SUCLG2: variants seen among roughly 807,000 people sequenced by gnomAD.
SUCLG2 encodes succinate-CoA ligase GDP-forming subunit beta.
A neutral mutation model predicts 47.9 loss-of-function variants in SUCLG2; 42 were observed. That is an observed-to-expected ratio of 0.88 (90% CI 0.69 to 1.14). The LOEUF (loss-of-function observed/expected upper bound fraction) is 1.14, where lower values mean the gene tolerates loss of function less well. Ranked by LOEUF, SUCLG2 falls within the 50% of genes most tolerant of loss-of-function variation. The pLI is 0.00. For synonymous variants in SUCLG2, 195 were observed against 197.3 expected (o/e 0.99, Z 0.10); for missense variants, 571 against 525.9 (o/e 1.09, Z -0.84).
intron 2 of SUCLG2, among the ~76,000 whole-genome samples, chr3:67,602,614 A>G (rs1183585364): frequency 6.6e-6 from 1 of 152,230 alleles, no homozygotes; most frequent in African/African-American, 2.4e-5. Context: ...AATACATACA[A>G]TAGAAAATGT....
intron 5 of SUCLG2, among the ~76,000 whole-genome samples, chr3:67,519,983 CA>C (rs1208901480): frequency 6.6e-6 from 1 of 151,972 alleles, no homozygotes; most frequent in African/African-American, 2.4e-5. Context: ...GTCAAGATTT[CA>C]AGGATTGAAA....
Position 67,400,806 on chromosome 3 carries a change from C to A in SUCLG2, c.1108G>T (p.Ala370Ser). The part of the protein sequence containing the change: ...VNIFGGIVNC[A>S]IIANGITKAC... ...TTGGTGATCCCATTGGCAATGATGG[C>A]ACAGTTGACGATACCACCAAATATA... The change falls in exon 10 of 11, where the codon GCC becomes TCC. Residue 370 changes from alanine (A) to serine (S), a missense_variant. By Grantham distance (99) the Ala-to-Ser change is moderately conservative. Coordinates refer to ENST00000307227, the MANE Select transcript of SUCLG2 (RefSeq NM_003848.4). 1 of 1,612,794 alleles carries A rather than the reference C, an allele frequency of 6.2e-7. No homozygotes were observed. The highest frequency in any genetic ancestry group is 8.5e-7 in the Non-Finnish European group (1 of 1,179,904).
Position 67,402,361 on chromosome 3 carries a change from A to G in SUCLG2, c.1063-1510T>C, listed in dbSNP as rs542331708. The stretch of plus-strand genomic sequence containing the variant: ...ACTGCAGCTCATGTTGAATTCAAAT[A>G]TAATGGAAATACAAACTTATTGAAA... On this transcript the variant is annotated intron_variant, in intron 9 of 10. Coordinates refer to ENST00000307227, the MANE Select transcript of SUCLG2 (RefSeq NM_003848.4). Among the ~76,000 whole-genome samples, 70 of 152,350 alleles carry G rather than the reference A, an allele frequency of 4.6e-4. No individual in the cohort carries two copies. The South Asian group carries it at 0.011, about 24-fold the overall frequency.
chr3:67,629,425 T>C (rs1169713236), intron 1 of SUCLG2, among the ~76,000 whole-genome samples: 2 of 152,140 alleles, frequency 1.3e-5, no homozygotes, highest in African/African-American at 4.8e-5. Flanking sequence ...AGAATATTTA[T>C]GATTACTGGT....
At chr3:67,564,687 T>G (rs1707405157) in intron 2 of SUCLG2, among the ~76,000 whole-genome samples, 1 of 152,200 alleles carries the variant, frequency 6.6e-6, no homozygotes, top group Non-Finnish European at 1.5e-5. Context: ...CTTAAAACAT[T>G]ATGAGATTTT....
At chr3:67,613,761 C>A (rs188169465) in intron 1 of SUCLG2, among the ~76,000 whole-genome samples, 47 of 152,298 alleles carry the variant, frequency 3.1e-4, no homozygotes, top group Non-Finnish European at 6.0e-4. Flanking sequence ...GCTGAACTTG[C>A]CCAAGATCAC....
intron 9 of SUCLG2, among the ~76,000 whole-genome samples, chr3:67,450,574 CATCATCTAGATACT>C (rs1704032986): frequency 6.6e-6 from 1 of 152,174 alleles, no homozygotes; most frequent in South Asian, 2.1e-4. Context: ...CCTATATGCC[CATCATCTAGATACT>C]ATCATCTGGC....
At chr3:67,438,677 A>C (rs759822930) in intron 9 of SUCLG2, among the ~76,000 whole-genome samples, 1 of 152,328 alleles carries the variant, frequency 6.6e-6, no homozygotes, top group South Asian at 2.1e-4. Flanking sequence ...CCCTCCCAAG[A>C]CTAAAGCAGG....
chr3:67,576,063 A>C (rs1331553668), intron 2 of SUCLG2, among the ~76,000 whole-genome samples: 3 of 152,182 alleles, frequency 2.0e-5, no homozygotes, highest in Admixed American at 6.5e-5. Flanking sequence ...TTGAATTTCC[A>C]TGTAACTGCA....
chr3:67,547,706 G>T (rs1316351749), intron 2 of SUCLG2, among the ~76,000 whole-genome samples: 1 of 147,322 alleles, frequency 6.8e-6, no homozygotes, highest in Non-Finnish European at 1.5e-5. Context: ...CTTATGCAAA[G>T]GGAACAATTT....
At chr3:67,558,158 G>A (rs1405918953) in intron 2 of SUCLG2, among the ~76,000 whole-genome samples, 1 of 152,004 alleles carries the variant, frequency 6.6e-6, no homozygotes, top group East Asian at 1.9e-4. Flanking sequence ...CTGAGTGTGA[G>A]GACACCCCAC....
intron 2 of SUCLG2, among the ~76,000 whole-genome samples, chr3:67,560,490 C>G (rs116268614): frequency 6.6e-6 from 1 of 152,166 alleles, no homozygotes; most frequent in Non-Finnish European, 1.5e-5. Flanking sequence ...CTGCCAACCA[C>G]TAGCTATGCA....
At chr3:67,482,472 G>A (rs1037522738) in intron 9 of SUCLG2, among the ~76,000 whole-genome samples, 5 of 64,158 alleles carry the variant, frequency 7.8e-5, no homozygotes, top group African/African-American at 1.2e-4. Flanking sequence ...CTATACTTTT[G>A]TATTTTTTTA....
In SUCLG2 at chr3:67,455,764, T is replaced by G. The variant is rs577168658; in HGVS notation, c.1062+40034A>C. On this transcript the variant is annotated intron_variant, in intron 9 of 10. Coordinates refer to ENST00000307227, the MANE Select transcript of SUCLG2 (RefSeq NM_003848.4). ...AGTGAAAAAGCATGAGGAATAAAGA[T>G]TTTCAAATATGGGTATCTGAAAGGG... 1.1e-4 allele frequency among the ~76,000 whole-genome samples: 16 copies of G among 152,124 alleles called. No homozygotes were observed. In the South Asian group the frequency reaches 3.3e-3, roughly 32 times the overall value.
At chr3:67,511,628 A>T (rs1164079383) in intron 6 of SUCLG2, among the ~76,000 whole-genome samples, 1 of 152,198 alleles carries the variant, frequency 6.6e-6, no homozygotes, top group Non-Finnish European at 1.5e-5. Flanking sequence ...TCTTTCCTTC[A>T]TAAATTATCC....
intron 4 of SUCLG2, among the ~76,000 whole-genome samples, chr3:67,525,566 A>G (rs1222673024): frequency 6.6e-6 from 1 of 152,212 alleles, no homozygotes. Context: ...GTAATTGAAT[A>G]TCATAGCCCT....
chr3:67,584,615 A>G (rs1707963773), intron 2 of SUCLG2, among the ~76,000 whole-genome samples: 1 of 152,184 alleles, frequency 6.6e-6, no homozygotes, highest in African/African-American at 2.4e-5. Context: ...GTGGTGTATT[A>G]GTCCATATAA....
chr3:67,479,301 A>AT (rs1704847736), intron 9 of SUCLG2, among the ~76,000 whole-genome samples: 1 of 152,030 alleles, frequency 6.6e-6, no homozygotes, highest in South Asian at 2.1e-4. Context: ...AAAAAAAAAA[A>AT]ACAACAAAAG....
chr3:67,465,089 A>G (rs554988234), intron 9 of SUCLG2, among the ~76,000 whole-genome samples: 31 of 152,314 alleles, frequency 2.0e-4, no homozygotes, highest in Non-Finnish European at 4.3e-4. Context: ...ATGGAGAAAA[A>G]GTAGGTAATT....
Sources: allele counts gnomAD v4.1 joint callset (sites outside exome capture counted in the v4.1 genomes callset), GRCh38; gene constraint gnomAD v4.1.1; transcripts MANE v1.5; gene names NCBI Gene and HGNC (gene_info 2026-07-23, HGNC 2026-07-21).